The following PTPN3 variants were observed in gnomAD, a reference collection of about 807,000 sequenced individuals.
PTPN3 encodes tyrosine-protein phosphatase non-receptor type 3.
PTPN3 carries 96 observed loss-of-function variants against 132.7 expected under a neutral mutation model. The observed-to-expected ratio is 0.72, with a 90% CI of 0.61 to 0.86. The LOEUF (loss-of-function observed/expected upper bound fraction) is 0.86. PTPN3 is among the 40% of genes least tolerant of loss of function. The pLI, the probability that PTPN3 is intolerant of heterozygous loss-of-function variation, is 0.00. For missense variants in PTPN3, 1,125 were observed against 1,159.6 expected, an observed-to-expected ratio of 0.97 and a Z score of 0.43; for synonymous variants, 398 against 429.0, an observed-to-expected ratio of 0.93 and a Z score of 0.89.
At chr9:109,426,808 T>C in intron 12 of PTPN3, 142 bp downstream of exon 12, 2 of 910,526 alleles carry the variant, frequency 2.2e-6, no homozygotes, top group Non-Finnish European at 1.6e-6. Flanking sequence ...GGGAGACTTT[T>C]AGTTATGGTT....
At chr9:109,403,437 G>A (rs148434119) in intron 19 of PTPN3, among the ~76,000 whole-genome samples, 16 of 152,268 alleles carry the variant, frequency 1.1e-4, no homozygotes, top group African/African-American at 3.9e-4. Context: ...AACCCAGACT[G>A]TTGTTATTTC....
intron 1 of PTPN3, among the ~76,000 whole-genome samples, chr9:109,470,101 G>A (rs1015457015): frequency 5.9e-5 from 9 of 151,850 alleles, no homozygotes; most frequent in Admixed American, 4.6e-4. Flanking sequence ...CTAGAGAAGG[G>A]CATTTCTAGC....
At chr9:109,464,181 A>C (rs1845984499) in intron 1 of PTPN3, among the ~76,000 whole-genome samples, 2 of 152,232 alleles carry the variant, frequency 1.3e-5, no homozygotes, top group Non-Finnish European at 2.9e-5. Flanking sequence ...TGGTGAAAGC[A>C]TAACTCAGTG....
In PTPN3 at chr9:109,404,432, C is replaced by T; in HGVS notation, c.1953+16G>A. On this transcript the variant is annotated intron_variant, in intron 19 of 25. Coordinates refer to ENST00000374541, the MANE Select transcript of PTPN3 (RefSeq NM_002829.4). ...AGGCGACATGGCAGTGGGATTCAGC[C>T]TCCAGAGGGTCTTACCTCAAACTGG... 1 of 1,395,144 alleles carries T rather than the reference C, an allele frequency of 7.2e-7. No homozygotes were observed. The highest frequency in any genetic ancestry group is 2.6e-5 in the East Asian group (1 of 38,698). 86.4% of individuals were successfully genotyped at this position (1,395,144 alleles called of 1,614,324 possible). A position where few individuals can be genotyped will look rare whatever the true frequency, so the allele number is the denominator to read the frequency against.
the PTPN3 span, chr9:109,533,622 T>C: frequency 6.6e-7 from 1 of 1,510,444 alleles, no homozygotes. Flanking sequence ...CCCTGATATA[T>C]ACTCTGCCAC....
chr9:109,500,332 C>G (rs1387269839), upstream of PTPN3, among the ~76,000 whole-genome samples: 2 of 152,196 alleles, frequency 1.3e-5, no homozygotes, highest in Non-Finnish European at 2.9e-5. Context: ...ATTACCTTTT[C>G]TTTTCCCACA....
chr9:109,509,281 A>C, the PTPN3 span, among the ~76,000 whole-genome samples: 1 of 152,196 alleles, frequency 6.6e-6, no homozygotes, highest in Non-Finnish European at 1.5e-5. Flanking sequence ...AATCATGGGA[A>C]GCTGCCCCAG....
Position 109,404,516 on chromosome 9 carries a change from T to C in PTPN3, c.1885A>G (p.Thr629Ala), listed in dbSNP as rs765628886. Residue 629 changes from threonine (T) to alanine (A), a missense_variant, in exon 19 of 26, where the codon ACT (threonine) becomes GCT (alanine). By Grantham distance (58) the Thr-to-Ala change is moderately conservative (BLOSUM62 0). Transcript: ENST00000374541. ...AGCTGTGCCATGGATCCCTCCAAAG[T>C]GTCCCCACCCTCCGGACACATGGGG... ...IFPMCPEGGD[T>A]LEGSMAQLKK... 3.2e-6 allele frequency: 5 copies of C among 1,566,112 alleles called. No homozygotes were observed. Among genetic ancestry groups the C allele is most frequent in the Non-Finnish European group, 4.4e-6 (5 of 1,148,324 alleles).
At chr9:109,510,848 T>C in the PTPN3 span, among the ~76,000 whole-genome samples, 4 of 151,922 alleles carry the variant, frequency 2.6e-5, no homozygotes, top group Non-Finnish European at 5.9e-5. Flanking sequence ...GAAGAACACA[T>C]TTATGAGCAA....
Position 109,410,031 on chromosome 9 carries a change from C to T in PTPN3, c.1546G>A (p.Asp516Asn), listed in dbSNP as rs1400451714. ...TTAAATCCAAATTTTCCATCTTCAT[C>T]TGGTGTGATACGGATCAAGACTAAG... Reference protein sequence around the residue: ...SYLVLIRITPDEDGKFGFNLK... With the variant: ...SYLVLIRITPNEDGKFGFNLK... The change falls in exon 16 of 26, where the codon GAT becomes AAT. Residue 516 changes from aspartate (D) to asparagine (N), a missense_variant. Asp to Asn is a conservative substitution (Grantham distance 23, BLOSUM62 1). Transcript: ENST00000374541. 1 of 1,614,236 alleles carries T rather than the reference C, an allele frequency of 6.2e-7. No homozygotes were observed. Among genetic ancestry groups the T allele is most frequent in the South Asian group, 1.1e-5 (1 of 91,086 alleles).
chr9:109,432,092 T>C (rs1476955273), intron 10 of PTPN3, among the ~76,000 whole-genome samples: 1 of 148,990 alleles, frequency 6.7e-6, no homozygotes, highest in Non-Finnish European at 1.5e-5. Context: ...AGTATTATAT[T>C]ACTAACTCAT....
chr9:109,422,516 A>G (rs1741540809), intron 13 of PTPN3, among the ~76,000 whole-genome samples: 2 of 152,194 alleles, frequency 1.3e-5, no homozygotes, highest in South Asian at 4.1e-4. Flanking sequence ...GTTTTTTTAA[A>G]AAGAGCATCT....
rs1382955023 is a variant in PTPN3, at chr9:109,382,322, C to A, written c.2508G>T (p.Glu836Asp). Residue 836 changes from glutamate to aspartate, a missense_variant, in exon 24 of 26, where the codon GAG becomes GAT. Transcript: ENST00000374541. Reference protein sequence around the residue: ...NYVRSLRVDSEPVLVHCSAGI... With the variant: ...NYVRSLRVDSDPVLVHCSAGI... ...CATACCTGCAGTGAACTAGGACGGG[C>A]TCGCTGTCCACTCTCAGAGACCTCA... 3 of 1,613,958 alleles carry A rather than the reference C, an allele frequency of 1.9e-6. No homozygotes were observed. In the Admixed American group the frequency reaches 5.0e-5, roughly 27 times the overall value.
At chr9:109,412,594 C>T (rs530816873) in intron 14 of PTPN3, among the ~76,000 whole-genome samples, 6 of 152,248 alleles carry the variant, frequency 3.9e-5, no homozygotes, top group African/African-American at 1.4e-4. Context: ...AAGATAGTCT[C>T]GATCTCTTGA....
chr9:109,465,501 G>A (rs1404968212), intron 1 of PTPN3, among the ~76,000 whole-genome samples: 1 of 152,132 alleles, frequency 6.6e-6, no homozygotes, highest in Non-Finnish European at 1.5e-5. Context: ...CCTGAGATCA[G>A]GAGTTCGAGA....
At chr9:109,389,853 G>T (rs915578604) in intron 21 of PTPN3, among the ~76,000 whole-genome samples, 9 of 152,174 alleles carry the variant, frequency 5.9e-5, no homozygotes, top group Non-Finnish European at 1.3e-4. Context: ...TCCAATGCTT[G>T]TATCATGAAG....
the PTPN3 span, among the ~76,000 whole-genome samples, chr9:109,517,375 C>T: frequency 6.6e-6 from 1 of 152,146 alleles, no homozygotes; most frequent in Non-Finnish European, 1.5e-5. Flanking sequence ...GTCCCAATAC[C>T]TGGAGGTGAT....
intron 19 of PTPN3, among the ~76,000 whole-genome samples, chr9:109,399,270 T>C (rs1334933452): frequency 6.6e-6 from 1 of 152,158 alleles, no homozygotes; most frequent in Admixed American, 6.5e-5. Flanking sequence ...AGAGCAATCG[T>C]CCCGCCTCAG....
the PTPN3 span, among the ~76,000 whole-genome samples, chr9:109,505,022 T>A: frequency 1.3e-5 from 2 of 152,120 alleles, no homozygotes; most frequent in African/African-American, 4.8e-5. Context: ...AGTCATACAG[T>A]GGTCATGGCT....
Sources: allele counts gnomAD v4.1 joint callset (sites outside exome capture counted in the v4.1 genomes callset), GRCh38; gene constraint gnomAD v4.1.1; transcripts MANE v1.5; gene names NCBI Gene and HGNC (gene_info 2026-07-23, HGNC 2026-07-21).